Variants in PDE4D observed in about 807,000 individuals in gnomAD.
The protein encoded by PDE4D is phosphodiesterase 4D, also known as 3',5'-cyclic-AMP phosphodiesterase 4D.
A neutral mutation model predicts 87.4 loss-of-function variants in PDE4D; 24 were observed. The ratio of observed to expected loss-of-function variants is 0.27; its 90% CI spans 0.20 to 0.39. The LOEUF is 0.39. PDE4D is among the 10% of genes least tolerant of loss of function. The pLI is 1.00. For synonymous variants in PDE4D, 384 were observed against 383.2 expected (o/e 1.00, Z -0.02); for missense variants, 714 against 1,041.0 (o/e 0.69, Z 4.32).
At chr5:59,777,486 C>T (rs573965925) in intron 1 of PDE4D, among the ~76,000 whole-genome samples, 35 of 152,262 alleles carry the variant, frequency 2.3e-4, no homozygotes, top group Middle Eastern at 3.4e-3. Context: ...GCTCTTCAAA[C>T]ATTGATGGAC....
rs150221297 is a variant in PDE4D at position 59,912,196 on chromosome 5, A to T, written c.272+76292T>A. Among the ~76,000 whole-genome samples the T allele has an allele frequency of 4.7e-4, 71 of 152,340 alleles. No homozygotes were observed. The East Asian group carries it at 0.012, about 26-fold the overall frequency. ...TTGTTTGTTATCTGCTCCTTCCATT[A>T]GAAACCAATCCCAATGACAGAAGAG... On this transcript the variant is annotated intron_variant, in intron 3 of 16. Coordinates refer to the PDE4D transcript ENST00000502484.
At chr5:59,529,090 T>C (rs552789951) in intron 1 of PDE4D, 2 of 467,616 alleles carry the variant, frequency 4.3e-6, no homozygotes, top group East Asian at 1.1e-4. Context: ...GATCAGCAAA[T>C]GTCTATTCTA....
intron 1 of PDE4D, among the ~76,000 whole-genome samples, chr5:60,197,070 TAGAC>T (rs376124483): frequency 8.1e-6 from 1 of 122,920 alleles, no homozygotes; most frequent in Non-Finnish European, 1.7e-5. Flanking sequence ...GATAGATAGA[TAGAC>T]AGTTAGATAG....
At chr5:60,105,884 T>C (rs1776839046) in intron 2 of PDE4D, among the ~76,000 whole-genome samples, 1 of 152,098 alleles carries the variant, frequency 6.6e-6, no homozygotes, top group African/African-American at 2.4e-5. Context: ...GAACAACCAG[T>C]ACCAACCACT....
chr5:60,483,102 TTAAA>T (rs1748857463), intron 1 of PDE4D, among the ~76,000 whole-genome samples: 1 of 152,218 alleles, frequency 6.6e-6, no homozygotes, highest in African/African-American at 2.4e-5. Context: ...GGTAACTGAA[TTAAA>T]TAAGGCTGGA....
chr5:59,575,020 G>C (rs1822892996), intron 1 of PDE4D, among the ~76,000 whole-genome samples: 1 of 152,082 alleles, frequency 6.6e-6, no homozygotes. Context: ...AGAATAATGA[G>C]AGAAATTAAT....
Position 59,500,982 on chromosome 5 carries a change from T to C in PDE4D, c.456-285014A>G, listed in dbSNP as rs553428734. Among the ~76,000 whole-genome samples, 6 of 152,302 alleles carry C rather than the reference T, an allele frequency of 3.9e-5. No homozygotes were observed. In the East Asian group the frequency reaches 7.7e-4, roughly 20 times the overall value. On this transcript the variant is annotated intron_variant, in intron 1 of 14. Transcript: ENST00000340635. Reference sequence around the variant, plus strand: ...CTGCTAGACCAACTAATTTTTTTCTTATTTAAATTCCAAAATTGAATTTTC... The same window carrying C: ...CTGCTAGACCAACTAATTTTTTTCTCATTTAAATTCCAAAATTGAATTTTC...
At chr5:59,042,774 C>T (rs1486547727) in intron 5 of PDE4D, among the ~76,000 whole-genome samples, 2 of 152,216 alleles carry the variant, frequency 1.3e-5, no homozygotes, top group East Asian at 3.8e-4. Flanking sequence ...CTTCTGTGAA[C>T]AAACAGTCCT....
At chr5:60,030,404 T>C (rs537837497) in intron 2 of PDE4D, among the ~76,000 whole-genome samples, 24 of 152,096 alleles carry the variant, frequency 1.6e-4, no homozygotes, top group Admixed American at 8.5e-4. Context: ...GAGCCGAGAT[T>C]GCGCCACTGC....
chr5:59,188,963 A>G (rs1743561197), intron 3 of PDE4D, among the ~76,000 whole-genome samples: 1 of 152,164 alleles, frequency 6.6e-6, no homozygotes, highest in African/African-American at 2.4e-5. Context: ...CACCGACTGA[A>G]ACGAGGTGAC....
At chr5:59,055,413 A>G (rs1762186698) in intron 5 of PDE4D, among the ~76,000 whole-genome samples, 1 of 152,086 alleles carries the variant, frequency 6.6e-6, no homozygotes, top group Non-Finnish European at 1.5e-5. Flanking sequence ...ATCTATTCGA[A>G]GTCCCTATAA....
chr5:59,161,366 G>A (rs1273132410), intron 5 of PDE4D, among the ~76,000 whole-genome samples: 1 of 152,156 alleles, frequency 6.6e-6, no homozygotes, highest in Non-Finnish European at 1.5e-5. Context: ...AAAACTCAAA[G>A]TTGGGGGAGG....
rs566846747 is a variant in PDE4D, at chr5:59,880,401, TG to T, written c.455+12766del. 2.4e-3 allele frequency among the ~76,000 whole-genome samples: 366 copies of T among 152,332 alleles called. 5 individuals are homozygous for T. The highest frequency in any genetic ancestry group is 8.4e-3 in the African/African-American group (350 of 41,574). On this transcript the variant is annotated intron_variant, in intron 1 of 14. Transcript: ENST00000340635. ...CGGCGATTACAGGTGTGAGCCACTGTGCCTGGCCTGAAATTTTTCATGAGTT... is the reference window on the plus strand; with the variant it reads ...CGGCGATTACAGGTGTGAGCCACTGTCCTGGCCTGAAATTTTTCATGAGTT...
chr5:59,660,002 T>C (rs1263555090), intron 1 of PDE4D, among the ~76,000 whole-genome samples: 2 of 152,070 alleles, frequency 1.3e-5, no homozygotes, highest in Admixed American at 1.3e-4. Context: ...CTGGGCAACA[T>C]GGCGAGGCCC....
At chr5:59,683,296 T>TA (rs1749332552) in intron 1 of PDE4D, among the ~76,000 whole-genome samples, 2 of 152,190 alleles carry the variant, frequency 1.3e-5, no homozygotes, top group Non-Finnish European at 1.5e-5. Flanking sequence ...AGTAAAATGT[T>TA]AACATTTGGG....
intron 3 of PDE4D, among the ~76,000 whole-genome samples, chr5:59,903,509 C>T (rs1752505508): frequency 6.6e-6 from 1 of 152,072 alleles, no homozygotes; most frequent in Non-Finnish European, 1.5e-5. Context: ...TACCTATTAG[C>T]TTGTTGTAAA....
intron 1 of PDE4D, among the ~76,000 whole-genome samples, chr5:59,683,369 G>C (rs1749346763): frequency 6.6e-6 from 1 of 152,072 alleles, no homozygotes; most frequent in Non-Finnish European, 1.5e-5. Flanking sequence ...CAGTAAATCT[G>C]AAATTACATC....
At chr5:60,233,139 A>T (rs1746007242) in intron 1 of PDE4D, among the ~76,000 whole-genome samples, 1 of 151,496 alleles carries the variant, frequency 6.6e-6, no homozygotes. Flanking sequence ...ATCAGATATA[A>T]CTATACAGAC....
chr5:59,520,483 T>G (rs1416837561), intron 1 of PDE4D, among the ~76,000 whole-genome samples: 1 of 152,118 alleles, frequency 6.6e-6, no homozygotes, highest in Non-Finnish European at 1.5e-5. Context: ...AGTAGGTATT[T>G]GGGGCAAGAA....
Sources: allele counts gnomAD v4.1 joint callset (sites outside exome capture counted in the v4.1 genomes callset), GRCh38; gene constraint gnomAD v4.1.1; transcripts MANE v1.5; gene names NCBI Gene and HGNC (gene_info 2026-07-23, HGNC 2026-07-21).